Variants in SIK3 observed in about 807,000 individuals in gnomAD.
SIK3 encodes SIK family kinase 3, also known as serine/threonine-protein kinase SIK3.
SIK3 carries 28 observed loss-of-function variants against 144.2 expected under a neutral mutation model. The ratio of observed to expected loss-of-function variants is 0.19; its 90% CI spans 0.14 to 0.27. SIK3 has a LOEUF of 0.27. SIK3 is among the 10% of genes least tolerant of loss of function. The pLI, the probability that SIK3 is intolerant of heterozygous loss-of-function variation, is 1.00. For missense variants in SIK3, 1,319 were observed against 1,776.0 expected, an observed-to-expected ratio of 0.74 and a Z score of 4.62; for synonymous variants, 686 against 676.3, an observed-to-expected ratio of 1.01 and a Z score of -0.22.
chr11:116,903,441 T>C (rs959658407), intron 4 of SIK3, among the ~76,000 whole-genome samples: 3 of 152,042 alleles, frequency 2.0e-5, no homozygotes, highest in Admixed American at 6.6e-5. Context: ...GTTATCTACA[T>C]GTATAGACAA....
At chr11:116,915,160 G>GTA (rs1491118018) in intron 4 of SIK3, among the ~76,000 whole-genome samples, 2 of 144,412 alleles carry the variant, frequency 1.4e-5, no homozygotes, top group Non-Finnish European at 3.0e-5. Context: ...GTGTGTGTGT[G>GTA]TATGTGTATT....
At chr11:117,025,585 C>T (rs1364434003) in intron 1 of SIK3, among the ~76,000 whole-genome samples, 2 of 152,060 alleles carry the variant, frequency 1.3e-5, no homozygotes, top group East Asian at 3.9e-4. Context: ...TGTTTCACCA[C>T]ACCCAGCTAC....
chr11:116,947,147 TATATA>T (rs1171420733), intron 3 of SIK3, among the ~76,000 whole-genome samples: 3 of 121,494 alleles, frequency 2.5e-5, no homozygotes, highest in Non-Finnish European at 3.4e-5. Flanking sequence ...TTATTATTTA[TATATA>T]ATATATTATA....
chr11:116,860,679 A>G (rs1042850302), intron 19 of SIK3, among the ~76,000 whole-genome samples: 3 of 152,180 alleles, frequency 2.0e-5, no homozygotes, highest in African/African-American at 4.8e-5. Flanking sequence ...GTATATCTAC[A>G]TACTGTACCA....
chr11:117,090,901 G>A (rs56125819), intron 1 of SIK3, among the ~76,000 whole-genome samples: 8,502 of 152,178 alleles, frequency 0.056, 522 homozygotes, highest in African/African-American at 0.15. Context: ...ATGACATCTC[G>A]CTTTTGGTTT....
intron 6 of SIK3, among the ~76,000 whole-genome samples, chr11:116,895,642 C>G (rs1344093113): frequency 1.3e-5 from 2 of 152,170 alleles, no homozygotes; most frequent in Non-Finnish European, 2.9e-5. Context: ...TGATAAAATA[C>G]TGTTAATTCT....
intron 1 of SIK3, among the ~76,000 whole-genome samples, chr11:117,018,682 C>G (rs990075490): frequency 2.6e-5 from 4 of 151,610 alleles, no homozygotes; most frequent in Non-Finnish European, 4.4e-5. Flanking sequence ...CTAAACAAGA[C>G]TGAATTATTG....
chr11:116,933,506 T>C (rs189736849), intron 3 of SIK3, among the ~76,000 whole-genome samples: 9 of 152,376 alleles, frequency 5.9e-5, no homozygotes, highest in African/African-American at 2.2e-4. Flanking sequence ...CCTTATCCAT[T>C]CACCTACTGA....
chr11:117,073,283 C>T (rs1029692363), intron 1 of SIK3, among the ~76,000 whole-genome samples: 1 of 152,206 alleles, frequency 6.6e-6, no homozygotes, highest in African/African-American at 2.4e-5. Context: ...ATTCCTTCTA[C>T]TCTTTCAGCC....
intron 3 of SIK3, among the ~76,000 whole-genome samples, chr11:116,946,273 C>T (rs1002744011): frequency 6.6e-6 from 1 of 152,138 alleles, no homozygotes; most frequent in Non-Finnish European, 1.5e-5. Flanking sequence ...GAGATCTCAC[C>T]ATTTCTGCAA....
intron 6 of SIK3, among the ~76,000 whole-genome samples, chr11:116,885,547 T>C (rs1944767873): frequency 6.6e-6 from 1 of 152,188 alleles, no homozygotes; most frequent in Non-Finnish European, 1.5e-5. Flanking sequence ...GTCCATCTTG[T>C]GGTTTACATT....
intron 4 of SIK3, among the ~76,000 whole-genome samples, chr11:116,922,825 G>A (rs1947061520): frequency 6.7e-6 from 1 of 148,182 alleles, no homozygotes; most frequent in Non-Finnish European, 1.5e-5. Flanking sequence ...AGTTTTATTA[G>A]TTCCAAGTTA....
intron 13 of SIK3, among the ~76,000 whole-genome samples, chr11:116,871,954 T>G (rs1461467042): frequency 6.6e-6 from 1 of 152,128 alleles, no homozygotes; most frequent in Non-Finnish European, 1.5e-5. Context: ...TGTGTAGAAC[T>G]CAGAGGAGCA....
At chr11:116,988,111 G>A (rs185472804) in intron 1 of SIK3, among the ~76,000 whole-genome samples, 1 of 152,278 alleles carries the variant, frequency 6.6e-6, no homozygotes, top group East Asian at 1.9e-4. Context: ...AGAGATCCTG[G>A]TGCAGAAAAA....
chr11:116,874,866 C>T (rs1200662776), intron 11 of SIK3, among the ~76,000 whole-genome samples: 1 of 152,148 alleles, frequency 6.6e-6, no homozygotes, highest in Non-Finnish European at 1.5e-5. Context: ...AAAAATGGGG[C>T]GAGCTGGCCT....
intron 21 of SIK3, chr11:116,855,694 G>A (rs1942854080): frequency 6.6e-6 from 1 of 152,260 alleles, no homozygotes; most frequent in African/African-American, 2.4e-5. Context: ...GGACTTGCTC[G>A]GTGAGCATCT....
chr11:117,023,002 A>T (rs547223863), intron 1 of SIK3, among the ~76,000 whole-genome samples: 1 of 152,272 alleles, frequency 6.6e-6, no homozygotes, highest in African/African-American at 2.4e-5. Context: ...CTGGAAGCAA[A>T]AAGAGTTCCT....
At chr11:116,975,431 T>C (rs185740004) in intron 1 of SIK3, among the ~76,000 whole-genome samples, 13 of 152,078 alleles carry the variant, frequency 8.5e-5, no homozygotes, top group East Asian at 3.9e-4. Flanking sequence ...TTGCCTATAC[T>C]AAATATTTCA....
At chr11:116,863,554 T>C (rs1219810857) in intron 16 of SIK3, 114 bp downstream of exon 16, 11 of 1,477,734 alleles carry the variant, frequency 7.4e-6, no homozygotes, top group Admixed American at 3.6e-5. Flanking sequence ...TTTTAACCTA[T>C]AAAACTGCAA....
Sources: gnomAD v4.1 joint callset for allele counts (sites outside exome capture counted in the v4.1 genomes callset) on GRCh38, gnomAD v4.1.1 for gene constraint, MANE v1.5 for transcripts, NCBI Gene and HGNC (gene_info 2026-07-23, HGNC 2026-07-21) for gene names.